The following NXPH1 variants were observed in gnomAD, a reference collection of about 807,000 sequenced individuals.
NXPH1 encodes neurexophilin-1.
Under a neutral mutation model 23.7 loss-of-function variants are expected in NXPH1, and 5 were observed. That is an observed-to-expected ratio of 0.21 (90% CI 0.11 to 0.44). The LOEUF is 0.44. NXPH1 is among the 20% of genes least tolerant of loss of function. The pLI is 0.99. For missense variants in NXPH1, 324 were observed against 321.6 expected (o/e 1.01, Z -0.06); for synonymous variants, 144 against 122.2 (o/e 1.18, Z -1.18).
At chr7:8,585,501 A>G (rs985286484) in intron 2 of NXPH1, among the ~76,000 whole-genome samples, 1 of 152,220 alleles carries the variant, frequency 6.6e-6, no homozygotes, top group African/African-American at 2.4e-5. Context: ...CTGATGAAAG[A>G]GCCAGGGTTG....
intron 2 of NXPH1, among the ~76,000 whole-genome samples, chr7:8,700,094 A>G (rs993561014): frequency 6.6e-6 from 1 of 152,166 alleles, no homozygotes; most frequent in Non-Finnish European, 1.5e-5. Flanking sequence ...AAGGCAGCAG[A>G]GCACATGTTT....
At chr7:8,606,963 C>T (rs779082890) in intron 2 of NXPH1, among the ~76,000 whole-genome samples, 190 of 152,126 alleles carry the variant, frequency 1.2e-3, no homozygotes, top group Non-Finnish European at 2.1e-3. Context: ...TGCTTGATTT[C>T]TGATGTTTTG....
At chr7:8,479,316 T>C (rs1041470275) in intron 2 of NXPH1, among the ~76,000 whole-genome samples, 3 of 152,158 alleles carry the variant, frequency 2.0e-5, no homozygotes, top group Non-Finnish European at 4.4e-5. Context: ...TAGACAGTTA[T>C]GTAACTAATA....
chr7:8,576,624 G>A (rs75667813), intron 2 of NXPH1, among the ~76,000 whole-genome samples: 1,711 of 152,030 alleles, frequency 0.011, 34 homozygotes, highest in African/African-American at 0.037. Context: ...GAGGTGAGGT[G>A]GGAAAGTTAT....
chr7:8,581,713 C>T (rs1442347582), intron 2 of NXPH1, among the ~76,000 whole-genome samples: 1 of 152,066 alleles, frequency 6.6e-6, no homozygotes, highest in East Asian at 1.9e-4. Context: ...CTTTTATAGT[C>T]CAGTGTGATA....
chr7:8,671,601 G>C (rs529186868), intron 2 of NXPH1, among the ~76,000 whole-genome samples: 2 of 152,154 alleles, frequency 1.3e-5, no homozygotes, highest in South Asian at 4.2e-4. Flanking sequence ...TGGGAGGAAT[G>C]GTTCTGTGAT....
chr7:8,598,645 A>G (rs1482596046), intron 2 of NXPH1, among the ~76,000 whole-genome samples: 2 of 152,158 alleles, frequency 1.3e-5, no homozygotes, highest in Non-Finnish European at 2.9e-5. Flanking sequence ...AACCATAAGT[A>G]TATTTGTACA....
chr7:8,475,533 AGT>A (rs755291970), intron 2 of NXPH1, among the ~76,000 whole-genome samples: 1 of 152,174 alleles, frequency 6.6e-6, no homozygotes. Context: ...AGAGCAGAAA[AGT>A]GATCCTCTGT....
At chr7:8,627,048 A>G (rs1167384031) in intron 2 of NXPH1, among the ~76,000 whole-genome samples, 1 of 152,114 alleles carries the variant, frequency 6.6e-6, no homozygotes, top group African/African-American at 2.4e-5. Context: ...TATGTCTATT[A>G]TATTAATTAG....
intron 2 of NXPH1, among the ~76,000 whole-genome samples, chr7:8,679,107 C>T (rs963564132): frequency 2.0e-5 from 3 of 151,566 alleles, no homozygotes. Flanking sequence ...ACCACCACGC[C>T]CGGCTAATTT....
At chr7:8,484,105 A>G (rs969371241) in intron 2 of NXPH1, among the ~76,000 whole-genome samples, 9 of 151,988 alleles carry the variant, frequency 5.9e-5, no homozygotes, top group Non-Finnish European at 1.3e-4. Context: ...ACAAATTTCT[A>G]CAGAAATCTA....
chr7:8,578,746 A>C (rs1339119989), intron 2 of NXPH1, among the ~76,000 whole-genome samples: 1 of 152,198 alleles, frequency 6.6e-6, no homozygotes. Context: ...GCCAAGGATC[A>C]GGCATAAGTT....
At chr7:8,646,584 T>C (rs1417686693) in intron 2 of NXPH1, among the ~76,000 whole-genome samples, 1 of 152,132 alleles carries the variant, frequency 6.6e-6, no homozygotes, top group Non-Finnish European at 1.5e-5. Flanking sequence ...TTTGTAGTTA[T>C]ATTTTATCAA....
chr7:8,741,753 C>T (rs539831127), intron 2 of NXPH1, among the ~76,000 whole-genome samples: 1 of 152,206 alleles, frequency 6.6e-6, no homozygotes, highest in Non-Finnish European at 1.5e-5. Context: ...AGAAAGGAAT[C>T]TCTGAGTGCC....
chr7:8,638,510 T>C (rs1250949251), intron 2 of NXPH1, among the ~76,000 whole-genome samples: 1 of 152,156 alleles, frequency 6.6e-6, no homozygotes, highest in Non-Finnish European at 1.5e-5. Context: ...TAATCCACAG[T>C]AGAAAGCTTT....
chr7:8,547,953 A>G (rs1307248962), intron 2 of NXPH1, among the ~76,000 whole-genome samples: 1 of 151,532 alleles, frequency 6.6e-6, no homozygotes, highest in African/African-American at 2.4e-5. Flanking sequence ...TGAACATACA[A>G]GTGCTGGTGT....
chr7:8,677,571 A>C (rs1820970253), intron 2 of NXPH1, among the ~76,000 whole-genome samples: 1 of 152,186 alleles, frequency 6.6e-6, no homozygotes, highest in Non-Finnish European at 1.5e-5. Context: ...CCAGATGATC[A>C]AGGTATTAGA....
intron 2 of NXPH1, among the ~76,000 whole-genome samples, chr7:8,482,135 C>T (rs1281512077): frequency 3.9e-5 from 6 of 152,210 alleles, no homozygotes; most frequent in African/African-American, 2.4e-5. Flanking sequence ...TCAGCTTTCT[C>T]ACCAGTTTGC....
At chr7:8,445,844 C>G (rs554985764) in intron 2 of NXPH1, among the ~76,000 whole-genome samples, 1 of 152,198 alleles carries the variant, frequency 6.6e-6, no homozygotes, top group African/African-American at 2.4e-5. Context: ...TGACATTGCA[C>G]TGTTGTCCTG....
Sources: allele counts gnomAD v4.1 joint callset (sites outside exome capture counted in the v4.1 genomes callset), GRCh38; gene constraint gnomAD v4.1.1; transcripts MANE v1.5; gene names NCBI Gene and HGNC (gene_info 2026-07-23, HGNC 2026-07-21).